Variants in KLHDC1 observed in about 807,000 individuals in gnomAD.
KLHDC1 encodes the protein kelch domain containing 1, also known as kelch domain-containing protein 1.
A neutral mutation model predicts 68.3 loss-of-function variants in KLHDC1; 53 were observed. That is an observed-to-expected ratio of 0.78 (90% confidence interval 0.62 to 0.98). The LOEUF is 0.98. KLHDC1 is among the 50% of genes least tolerant of loss of function. KLHDC1 has a pLI of 0.00. For synonymous variants in KLHDC1, 148 were observed against 159.0 expected, an observed-to-expected ratio of 0.93 and a Z score of 0.52; for missense variants, 470 against 492.3, an observed-to-expected ratio of 0.95 and a Z score of 0.43.
chr14:49,713,842 A>ATTT (rs1566603026), intron 4 of KLHDC1, among the ~76,000 whole-genome samples: 1 of 28,500 alleles, frequency 3.5e-5, no homozygotes, highest in Non-Finnish European at 6.3e-5. Flanking sequence ...ATATATATAT[A>ATTT]TATATATATT....
At chr14:49,730,974 A>G (rs911474895) in intron 8 of KLHDC1, among the ~76,000 whole-genome samples, 4 of 151,282 alleles carry the variant, frequency 2.6e-5, no homozygotes, top group African/African-American at 9.7e-5. Context: ...CTCTGTCTCA[A>G]AAACTAATAA....
At position 49,725,843 on chromosome 14, in the gene KLHDC1, TTTTTG is replaced by T. The variant is rs1566610655; in HGVS notation, c.567+86_567+90del. 4 of 796,114 alleles carry T rather than the reference TTTTTG, an allele frequency of 5.0e-6. No individual in the cohort carries two copies. In the South Asian group the frequency reaches 7.4e-5, roughly 15 times the overall value. The allele number at this position is 796,114 out of a possible 1,614,324, so 49.3% of individuals were successfully genotyped here. A position where few individuals can be genotyped will look rare whatever the true frequency, so the allele number is the denominator to read the frequency against. The stretch of plus-strand genomic sequence containing the variant: ...TTTTTTACTGTGGATTTTGGGTTTT[TTTTTG>T]TTTTGTTTTGTGTTTTTGAGACAAA... On this transcript the variant is annotated intron_variant, in intron 6 of 12. Transcript: ENST00000359332.
chr14:49,709,512 A>ATT (rs373823604), intron 2 of KLHDC1, among the ~76,000 whole-genome samples, 197 bp from the exon 3 acceptor site: 1 of 142,912 alleles, frequency 7.0e-6, no homozygotes, highest in African/African-American at 2.6e-5. Flanking sequence ...AATTTTTGTG[A>ATT]TTTTTTTTTT....
intron 11 of KLHDC1, among the ~76,000 whole-genome samples, chr14:49,742,426 T>C (rs146036979): frequency 6.6e-6 from 1 of 151,058 alleles, no homozygotes; most frequent in African/African-American, 2.4e-5. Context: ...TCCCAGCACT[T>C]TGGGAAGCTG....
chr14:49,721,041 C>T (rs1888511991), intron 4 of KLHDC1, among the ~76,000 whole-genome samples: 2 of 152,068 alleles, frequency 1.3e-5, no homozygotes, highest in South Asian at 2.1e-4. Context: ...CATCTTTCTG[C>T]TATTAGTATC....
intron 11 of KLHDC1, 53 bp downstream of exon 11, chr14:49,740,235 C>T (rs996656039): frequency 1.0e-6 from 1 of 1,001,898 alleles, no homozygotes; most frequent in African/African-American, 1.6e-5. Flanking sequence ...GTTATTCACA[C>T]TAAATGGCTA....
chr14:49,701,086 AAAAAAAG>A (rs1238237728), intron 1 of KLHDC1, among the ~76,000 whole-genome samples: 1 of 152,226 alleles, frequency 6.6e-6, no homozygotes, highest in East Asian at 1.9e-4. Context: ...CATCTCAAAA[AAAAAAAG>A]AAAAAAGAAA....
chr14:49,695,959 G>A (rs1426047701), intron 1 of KLHDC1, among the ~76,000 whole-genome samples: 4 of 151,978 alleles, frequency 2.6e-5, no homozygotes, highest in African/African-American at 9.7e-5. Context: ...TCAGCTACTG[G>A]GGAGGCTGAG....
In KLHDC1 at chr14:49,751,838, C is replaced by A; in HGVS notation, c.*66C>A. ...TAATCAGACTATACATTTACACTCCCAAATTGCAGGCTTTATTTAAAGGAT... is the reference window on the plus strand; with the variant it reads ...TAATCAGACTATACATTTACACTCCAAAATTGCAGGCTTTATTTAAAGGAT... On this transcript the variant is annotated 3_prime_UTR_variant, in exon 13 of 13. Coordinates refer to ENST00000359332, the MANE Select transcript of KLHDC1 (RefSeq NM_172193.3). 1 of 709,486 alleles carries A rather than the reference C, an allele frequency of 1.4e-6. No individual in the cohort carries two copies. The highest frequency in any genetic ancestry group is 2.1e-6 in the Non-Finnish European group (1 of 476,124). The allele number at this position is 709,486 out of a possible 1,614,324, so 43.9% of individuals were successfully genotyped here. A position where few individuals can be genotyped will look rare whatever the true frequency, so the allele number is the denominator to read the frequency against.
chr14:49,710,627 C>T (rs1888174386), intron 4 of KLHDC1, among the ~76,000 whole-genome samples: 1 of 152,152 alleles, frequency 6.6e-6, no homozygotes, highest in African/African-American at 2.4e-5. Context: ...ATATATTACT[C>T]ATTCTTTTTC....
intron 4 of KLHDC1, among the ~76,000 whole-genome samples, chr14:49,721,186 AT>A (rs1888516013): frequency 6.6e-6 from 1 of 151,588 alleles, no homozygotes; most frequent in African/African-American, 2.4e-5. Flanking sequence ...TGTAATTTTT[AT>A]TTTTTTAAGA....
chr14:49,746,427 G>C (rs1163900298), intron 12 of KLHDC1, among the ~76,000 whole-genome samples: 1 of 152,064 alleles, frequency 6.6e-6, no homozygotes. Context: ...AGAAAAGGAG[G>C]CAGCAAGAGA....
intron 1 of KLHDC1, among the ~76,000 whole-genome samples, 197 bp from the exon 2 acceptor site, chr14:49,708,961 CT>C (rs909096167): frequency 1.3e-5 from 2 of 151,720 alleles, no homozygotes; most frequent in African/African-American, 4.8e-5. Flanking sequence ...TATTTTGATC[CT>C]TTATTGTTTT....
intron 1 of KLHDC1, among the ~76,000 whole-genome samples, chr14:49,698,983 C>T (rs1420551706): frequency 4.0e-5 from 6 of 151,056 alleles, no homozygotes; most frequent in African/African-American, 7.3e-5. Flanking sequence ...GCTAACTCGG[C>T]GAAACCCCGT....
chr14:49,711,781 C>T lies in KLHDC1; in HGVS notation c.404+1400C>T, dbSNP rs117928950. 3.4e-3 allele frequency among the ~76,000 whole-genome samples: 516 copies of T among 151,968 alleles called. 2 individuals are homozygous for T. Among genetic ancestry groups the T allele is most frequent in the Middle Eastern group, 6.8e-3 (2 of 292 alleles). On this transcript the variant is annotated intron_variant, in intron 4 of 12. Coordinates refer to ENST00000359332, the MANE Select transcript of KLHDC1 (RefSeq NM_172193.3). ...TTTATTTGTGTTTTAAAATATCATT[C>T]ACTATTTAATTTCCAGTTTTCAGAT...
intron 9 of KLHDC1, among the ~76,000 whole-genome samples, chr14:49,733,208 A>C (rs1050910136): frequency 6.6e-6 from 1 of 152,140 alleles, no homozygotes; most frequent in African/African-American, 2.4e-5. Context: ...TGGAAATACA[A>C]AGTGGGAAGC....
At chr14:49,743,617 G>C (rs1444114050) in intron 11 of KLHDC1, 136 bp from the exon 12 acceptor site, 3 of 579,324 alleles carry the variant, frequency 5.2e-6, no homozygotes, top group Admixed American at 6.5e-5. Context: ...ATTTATGTGT[G>C]TGTGTCAACA....
At chr14:49,747,641 A>C (rs1940643637) in intron 12 of KLHDC1, among the ~76,000 whole-genome samples, 1 of 152,228 alleles carries the variant, frequency 6.6e-6, no homozygotes, top group South Asian at 2.1e-4. Context: ...TAGTGAGGTC[A>C]TCTGATAAGA....
At chr14:49,695,241 C>T (rs141145725) in intron 1 of KLHDC1, among the ~76,000 whole-genome samples, 325 of 152,118 alleles carry the variant, frequency 2.1e-3, no homozygotes, top group African/African-American at 7.4e-3. Flanking sequence ...CAGGTGTGCA[C>T]CACCATGCCT....
Sources: gnomAD v4.1 joint callset for allele counts (sites outside exome capture counted in the v4.1 genomes callset) on GRCh38, gnomAD v4.1.1 for gene constraint, MANE v1.5 for transcripts, NCBI Gene and HGNC (gene_info 2026-07-23, HGNC 2026-07-21) for gene names.